PRRC2C: variants seen among roughly 807,000 people sequenced by gnomAD.
The protein encoded by PRRC2C is proline rich coiled-coil 2C.
In PRRC2C, 72 loss-of-function variants were observed where a neutral mutation model predicts 317.2. The ratio of observed to expected loss-of-function variants is 0.23; its 90% CI spans 0.19 to 0.28. The LOEUF is 0.28. Ranked by LOEUF, PRRC2C falls within the 10% of genes least tolerant of loss-of-function variation. The pLI is 1.00. For synonymous variants in PRRC2C, 1,296 were observed against 1,205.9 expected (o/e 1.07, Z -1.55); for missense variants, 3,074 against 3,459.7 (o/e 0.89, Z 2.80).
intron 1 of PRRC2C, among the ~76,000 whole-genome samples, chr1:171,487,745 G>T (rs912484256): frequency 6.6e-6 from 1 of 152,166 alleles, no homozygotes; most frequent in African/African-American, 2.4e-5. Flanking sequence ...ACTATGCTTA[G>T]TGCATAGTAA....
chr1:171,588,511 C>T lies in PRRC2C; in HGVS notation c.8199+6C>T. ...CTACACAGTTTGCACCCCAGGTGGG[C>T]AGACATAATTAAGAAATGAGTATTA... On this transcript the variant is annotated splice_donor_region_variant and intron_variant, in intron 33 of 34. Coordinates refer to ENST00000647382, the MANE Select transcript of PRRC2C (RefSeq NM_001387844.1). 1 of 1,612,584 alleles carries T rather than the reference C, an allele frequency of 6.2e-7. No individual in the cohort carries two copies. Among genetic ancestry groups the T allele is most frequent in the Non-Finnish European group, 8.5e-7 (1 of 1,178,992 alleles).
intron 17 of PRRC2C, among the ~76,000 whole-genome samples, chr1:171,546,256 A>G (rs1356364419): frequency 1.3e-5 from 2 of 152,242 alleles, no homozygotes; most frequent in Non-Finnish European, 1.5e-5. Flanking sequence ...GACAAGGAAT[A>G]TCTGTGTATA....
intron 28 of PRRC2C, among the ~76,000 whole-genome samples, chr1:171,582,245 G>C (rs1158736792): frequency 6.6e-6 from 1 of 152,192 alleles, no homozygotes; most frequent in Non-Finnish European, 1.5e-5. Context: ...AACACAAAAA[G>C]AGAATTATTC....
At chr1:171,517,107 A>G (rs1362493757) in intron 5 of PRRC2C, among the ~76,000 whole-genome samples, 1 of 152,206 alleles carries the variant, frequency 6.6e-6, no homozygotes, top group Non-Finnish European at 1.5e-5. Context: ...TTATTTGGTT[A>G]AGTGTAATTA....
In PRRC2C at chr1:171,577,481, A is replaced by G. The variant is rs1313462933; in HGVS notation, c.7003A>G (p.Thr2335Ala). 6.2e-7 allele frequency: 1 copy of G among 1,613,188 alleles called. No homozygotes were observed. The highest frequency in any genetic ancestry group is 1.1e-5 in the South Asian group (1 of 91,012). ...TTCTTTGAGCACAAAATCTACAACC[A>G]CATCGGACCCTCCAAATATTTGTAA... is the stretch of plus-strand genomic sequence containing the variant. ...TSSLSTKSTT[T>A]SDPPNICKVK... Residue 2335 changes from threonine (T) to alanine (A), a missense_variant, in exon 26 of 35, where the codon ACA (threonine) becomes GCA (alanine). Physicochemically the swap from Thr to Ala is moderately conservative, Grantham distance 58 (BLOSUM62 0). Coordinates refer to ENST00000647382, the MANE Select transcript of PRRC2C (RefSeq NM_001387844.1).
intron 1 of PRRC2C, among the ~76,000 whole-genome samples, chr1:171,508,862 C>T (rs975309395): frequency 5.3e-5 from 8 of 151,878 alleles, no homozygotes; most frequent in African/African-American, 1.9e-4. Flanking sequence ...CTTCACTGAC[C>T]ATCAATTTAA....
intron 18 of PRRC2C, 131 bp from the exon 19 acceptor site, chr1:171,557,108 AC>A: frequency 7.1e-7 from 1 of 1,416,640 alleles, no homozygotes. Flanking sequence ...AGCAACCCTG[AC>A]ATTTTGTGGT....
chr1:171,500,833 A>G (rs1464402584), intron 1 of PRRC2C, among the ~76,000 whole-genome samples: 2 of 152,246 alleles, frequency 1.3e-5, no homozygotes, highest in East Asian at 1.9e-4. Flanking sequence ...CCTCCCCCCA[A>G]AAACAAAACT....
chr1:171,581,946 G>A (rs61814749), intron 28 of PRRC2C, among the ~76,000 whole-genome samples: 23,466 of 152,032 alleles, frequency 0.15, 2,408 homozygotes, highest in East Asian at 0.45. Flanking sequence ...GGGAAGTCTG[G>A]GGTTAGATTC....
intron 1 of PRRC2C, among the ~76,000 whole-genome samples, chr1:171,500,888 G>GCA (rs1668977644): frequency 6.6e-6 from 1 of 151,958 alleles, no homozygotes; most frequent in African/African-American, 2.4e-5. Flanking sequence ...AAATGCAGAT[G>GCA]CACATGTCTT....
intron 6 of PRRC2C, among the ~76,000 whole-genome samples, chr1:171,521,928 T>TA (rs1673659162): frequency 6.6e-6 from 1 of 152,184 alleles, no homozygotes; most frequent in Non-Finnish European, 1.5e-5. Flanking sequence ...GTAATTTTAT[T>TA]AATATAATAC....
intron 34 of PRRC2C, 150 bp downstream of exon 34, chr1:171,589,755 TC>T: frequency 2.5e-6 from 1 of 407,502 alleles, no homozygotes. Flanking sequence ...CCCTTTTTTT[TC>T]TTTTTTTTCC....
chr1:171,536,289 T>A lies in PRRC2C; in HGVS notation c.2293+11T>A. On this transcript the variant is annotated intron_variant, in intron 14 of 34. Transcript: ENST00000647382. ...CACCCATTCATCCTGGTCAGTTGAATTTGCATTTATAGTTTTACAGGATCA... is the reference window on the plus strand; with the variant it reads ...CACCCATTCATCCTGGTCAGTTGAAATTGCATTTATAGTTTTACAGGATCA... The A allele has an allele frequency of 6.2e-7, 1 of 1,611,466 alleles. No individual in the cohort carries two copies. The highest frequency in any genetic ancestry group is 1.1e-5 in the South Asian group (1 of 90,498).
Position 171,577,474 on chromosome 1 carries a change from T to A in PRRC2C, c.6996T>A (p.Ser2332=). Residue 2332 remains serine, a synonymous_variant, in exon 26 of 35, where the codon TCT becomes TCA. Coordinates refer to ENST00000647382, the MANE Select transcript of PRRC2C (RefSeq NM_001387844.1). The stretch of plus-strand genomic sequence containing the variant: ...CTACCTCTTCTTTGAGCACAAAATC[T>A]ACAACCACATCGGACCCTCCAAATA... ...TYTTSSLSTK[S]TTTSDPPNIC... is the part of the protein sequence containing the mutation. The A allele has an allele frequency of 1.9e-6, 3 of 1,612,954 alleles. No individual in the cohort carries two copies. The highest frequency in any genetic ancestry group is 2.5e-6 in the Non-Finnish European group (3 of 1,179,110).
In PRRC2C at chr1:171,541,733, C is replaced by G. The variant is rs768410543; in HGVS notation, c.4267C>G (p.Arg1423Gly). The change falls in exon 16 of 35, where the codon CGA becomes GGA. Residue 1423 changes from arginine (R) to glycine (G), a missense_variant. Transcript: ENST00000647382. This position sits in a 1 kb window ranked among gnomAD's most constrained non-coding sequence, Gnocchi z 4.1. ...RKFDPARERP[R>G]RQRPTRPPRQ... ...ATTTGACCCAGCTAGAGAAAGGCCTCGAAGGCAGCGTCCTACTCGACCACC... is the reference window on the plus strand; with the variant it reads ...ATTTGACCCAGCTAGAGAAAGGCCTGGAAGGCAGCGTCCTACTCGACCACC... 6.2e-7 allele frequency: 1 copy of G among 1,613,872 alleles called. No individual in the cohort carries two copies. Among genetic ancestry groups the G allele is most frequent in the South Asian group, 1.1e-5 (1 of 91,074 alleles).
At chr1:171,517,230 C>T (rs72717818) in intron 5 of PRRC2C, among the ~76,000 whole-genome samples, 11,412 of 152,244 alleles carry the variant, frequency 0.075, 528 homozygotes, top group Non-Finnish European at 0.11. Flanking sequence ...TTGTAGAAGT[C>T]CCATCTTCCT....
At position 171,541,746 on chromosome 1, in the gene PRRC2C, C is replaced by T; in HGVS notation, c.4280C>T (p.Pro1427Leu). The T allele has an allele frequency of 6.2e-7, 1 of 1,613,914 alleles. No individual in the cohort carries two copies. The highest frequency in any genetic ancestry group is 2.2e-5 in the East Asian group (1 of 44,876). Residue 1427 changes from proline to leucine, a missense_variant, in exon 16 of 35, where the codon CCT becomes CTT. Physicochemically the swap from Pro to Leu is moderately conservative, Grantham distance 98. Transcript: ENST00000647382. This position sits in a 1 kb window ranked among gnomAD's most constrained non-coding sequence, Gnocchi z 4.1. ...PARERPRRQR[P>L]TRPPRQDKPP... Reference sequence around the variant, plus strand: ...AGAGAAAGGCCTCGAAGGCAGCGTCCTACTCGACCACCAAGGCAAGACAAG... The same window carrying T: ...AGAGAAAGGCCTCGAAGGCAGCGTCTTACTCGACCACCAAGGCAAGACAAG...
rs369016880 is a variant in PRRC2C, at chr1:171,557,996, C to T, written c.5884C>T (p.Leu1962=). 4 of 1,613,840 alleles carry T rather than the reference C, an allele frequency of 2.5e-6. No homozygotes were observed. Among genetic ancestry groups the T allele is most frequent in the African/African-American group, 2.7e-5 (2 of 74,912 alleles). The part of the protein sequence containing the change: ...SSKQPPPSIR[L]PSAQTPNGTD... ...AAAACAACCACCACCATCAATTAGG[C>T]TGCCTTCAGCTCAAACACCTAATGG... is the stretch of plus-strand genomic sequence containing the variant. Residue 1962 remains leucine (L), a synonymous_variant, in exon 19 of 35, where the codon CTG becomes TTG. Transcript: ENST00000647382.
At chr1:171,587,438 A>C (rs1336834090) in intron 31 of PRRC2C, among the ~76,000 whole-genome samples, 1 of 152,228 alleles carries the variant, frequency 6.6e-6, no homozygotes, top group Non-Finnish European at 1.5e-5. Flanking sequence ...ATTTATTGGA[A>C]GAATTGGATT....
Sources: allele counts gnomAD v4.1 joint callset (sites outside exome capture counted in the v4.1 genomes callset), GRCh38; gene constraint gnomAD v4.1.1; non-coding constraint Gnocchi (gnomAD v3.1); transcripts MANE v1.5; gene names NCBI Gene and HGNC (gene_info 2026-07-23, HGNC 2026-07-21).